Variants in ESR1 observed in about 807,000 individuals in gnomAD.
ESR1 encodes estrogen receptor.
Under a neutral mutation model 52.7 loss-of-function variants are expected in ESR1, and 12 were observed. That is an observed-to-expected ratio of 0.23 (90% CI 0.15 to 0.37). ESR1 has a LOEUF of 0.37. Among genes scored for constraint, ESR1 ranks in the 10% least tolerant of loss-of-function variants. ESR1 has a pLI of 1.00. For missense variants in ESR1, 584 were observed against 779.7 expected (o/e 0.75, Z 2.99); for synonymous variants, 305 against 316.8 (o/e 0.96, Z 0.39).
intron 2 of ESR1, among the ~76,000 whole-genome samples, chr6:151,765,968 C>T (rs1184583186): frequency 6.6e-6 from 1 of 152,126 alleles, no homozygotes; most frequent in Non-Finnish European, 1.5e-5. Context: ...TAAAACTTTT[C>T]AAAGTAGATG....
At chr6:152,009,921 A>T (rs1376452848) in intron 4 of ESR1, among the ~76,000 whole-genome samples, 1 of 152,188 alleles carries the variant, frequency 6.6e-6, no homozygotes, top group Non-Finnish European at 1.5e-5. Context: ...TCAACTGTTC[A>T]TCATACATAC....
At chr6:151,943,540 G>A (rs1041976897) in intron 3 of ESR1, among the ~76,000 whole-genome samples, 3 of 152,058 alleles carry the variant, frequency 2.0e-5, no homozygotes, top group Admixed American at 1.3e-4. Context: ...TGAGGGACTT[G>A]GGGCAATCCT....
rs77773097 is a variant in ESR1 at position 151,723,372 on chromosome 6, G to A, written c.-71+21367G>A. 2.2e-3 allele frequency among the ~76,000 whole-genome samples: 338 copies of A among 152,310 alleles called. 1 individual carries two copies. Among genetic ancestry groups the A allele is most frequent in the African/African-American group, 7.4e-3 (308 of 41,576 alleles). On this transcript the variant is annotated intron_variant, in intron 2 of 2. Transcript: ENST00000404742. The stretch of plus-strand genomic sequence containing the variant: ...AGTCACCACTCCTCCAAACTCCTGC[G>A]TGGGTGATACAAGACTTGCTGTCAT...
At chr6:151,732,522 A>ATG (rs1265079346) in intron 2 of ESR1, among the ~76,000 whole-genome samples, 2 of 130,618 alleles carry the variant, frequency 1.5e-5, no homozygotes, top group South Asian at 2.3e-4. Context: ...ATGTTTGTGT[A>ATG]TGTGTGTGTG....
intron 1 of ESR1, among the ~76,000 whole-genome samples, chr6:151,838,488 T>G (rs1455730392): frequency 6.6e-6 from 1 of 152,130 alleles, no homozygotes; most frequent in East Asian, 1.9e-4. Context: ...CTGCTGCCCA[T>G]GGATGGGCTG....
At chr6:152,116,170 A>C (rs1261293627) in intron 6 of ESR1, among the ~76,000 whole-genome samples, 4 of 152,226 alleles carry the variant, frequency 2.6e-5, no homozygotes, top group Admixed American at 6.5e-5. Flanking sequence ...AATTTATTAA[A>C]ATTTACTAAA....
exon 1 of ESR1, chr6:151,690,580 A>T (rs576033530): frequency 6.6e-6 from 1 of 152,316 alleles, no homozygotes; most frequent in South Asian, 2.1e-4. Context: ...GAAGCTCTTT[A>T]ACAGGCTCGA....
chr6:151,902,728 G>A (rs1232897635), intron 3 of ESR1, among the ~76,000 whole-genome samples: 1 of 152,188 alleles, frequency 6.6e-6, no homozygotes, highest in African/African-American at 2.4e-5. Flanking sequence ...AAGGAGGCAT[G>A]TAAAGCTTCT....
upstream of ESR1, chr6:151,805,044 A>G (rs1680046777): frequency 6.6e-6 from 1 of 152,142 alleles, no homozygotes; most frequent in African/African-American, 2.4e-5. Flanking sequence ...TTTTAATAAT[A>G]CGTATTTTTC....
intron 1 of ESR1, among the ~76,000 whole-genome samples, chr6:151,668,744 G>T (rs1001929388): frequency 6.6e-6 from 1 of 152,158 alleles, no homozygotes; most frequent in African/African-American, 2.4e-5. Flanking sequence ...AGTGGGATAA[G>T]CCAGACACTT....
At chr6:151,694,227 C>T (rs1779156827) in intron 1 of ESR1, among the ~76,000 whole-genome samples, 1 of 152,196 alleles carries the variant, frequency 6.6e-6, no homozygotes, top group South Asian at 2.1e-4. Flanking sequence ...AAGATAAACT[C>T]ATCTAATTCC....
chr6:151,807,961 C>G lies in ESR1; in HGVS notation c.49C>G (p.Gln17Glu). 1 of 1,613,998 alleles carries G rather than the reference C, an allele frequency of 6.2e-7. No individual in the cohort carries two copies. The highest frequency in any genetic ancestry group is 2.2e-5 in the East Asian group (1 of 44,852). ...TKASGMALLH[Q>E]IQGNELEPLN... ...AGCATCTGGGATGGCCCTACTGCAT[C>G]AGATCCAAGGGAACGAGCTGGAGCC... The change falls in exon 1 of 8, where the codon CAG (glutamine) becomes GAG (glutamate). Residue 17 changes from glutamine (Q) to glutamate (E), a missense_variant. By Grantham distance (29) the Gln-to-Glu change is conservative. Around this residue, in one of 6 missense-constraint regions of ESR1, gnomAD observed 251 missense variants for 246.1 expected, o/e 1.02. Transcript: ENST00000206249.
chr6:151,966,034 C>T (rs6938143), intron 4 of ESR1, among the ~76,000 whole-genome samples: 2,584 of 152,182 alleles, frequency 0.017, 83 homozygotes, highest in African/African-American at 0.058. Flanking sequence ...CCTCATCTTT[C>T]GTGGATTCCT....
chr6:152,056,321 T>G (rs1374710004), intron 5 of ESR1, among the ~76,000 whole-genome samples: 1 of 152,230 alleles, frequency 6.6e-6, no homozygotes, highest in Non-Finnish European at 1.5e-5. Context: ...GCATCTTAAT[T>G]TGTTACCTTT....
intron 6 of ESR1, among the ~76,000 whole-genome samples, chr6:152,093,641 C>G (rs982676069): frequency 6.6e-6 from 1 of 152,114 alleles, no homozygotes; most frequent in African/African-American, 2.4e-5. Flanking sequence ...ACAGCAGGAT[C>G]TATTTCAGAA....
chr6:151,979,008 A>G (rs2039728778), intron 4 of ESR1, among the ~76,000 whole-genome samples: 1 of 152,212 alleles, frequency 6.6e-6, no homozygotes, highest in South Asian at 2.1e-4. Flanking sequence ...GAACTAAAAT[A>G]TGAAACAATA....
At chr6:152,127,036 A>C (rs2053701370) in exon 7 of ESR1, 1 of 152,162 alleles carries the variant, frequency 6.6e-6, no homozygotes, top group South Asian at 2.1e-4. Flanking sequence ...TTTGAAACCC[A>C]GTGTTTCCTG....
At chr6:151,899,070 T>C (rs1304537211) in intron 3 of ESR1, among the ~76,000 whole-genome samples, 290 of 76,070 alleles carry the variant, frequency 3.8e-3, no homozygotes, top group Middle Eastern at 0.01. Flanking sequence ...GCTGGCCGGG[T>C]GGGGGGCTGA....
chr6:152,069,142 C>A (rs2048192549), intron 6 of ESR1, among the ~76,000 whole-genome samples: 1 of 136,848 alleles, frequency 7.3e-6, no homozygotes, highest in Admixed American at 6.8e-5. Context: ...AATTGTGTGG[C>A]AGCCAAATAA....
Sources: allele counts gnomAD v4.1 joint callset (sites outside exome capture counted in the v4.1 genomes callset), GRCh38; gene constraint gnomAD v4.1.1; regional missense constraint gnomAD v4.1.1; transcripts MANE v1.5; gene names NCBI Gene and HGNC (gene_info 2026-07-23, HGNC 2026-07-21).